The following SLC8A1 variants were observed in gnomAD, a reference collection of about 807,000 sequenced individuals.
SLC8A1 encodes solute carrier family 8 member A1, also known as sodium/calcium exchanger 1.
Under a neutral mutation model 68.3 loss-of-function variants are expected in SLC8A1, and 18 were observed. The observed-to-expected ratio is 0.26, with a 90% CI of 0.18 to 0.39. The LOEUF is 0.39. Ranked by LOEUF, SLC8A1 falls within the 10% of genes least tolerant of loss-of-function variation. The probability of loss-of-function intolerance (pLI) is 1.00; values close to 1 mark genes in which losing one functional copy is unlikely to be tolerated. For missense variants in SLC8A1, 985 were observed against 1,156.7 expected (o/e 0.85, Z 2.15); for synonymous variants, 475 against 415.5 (o/e 1.14, Z -1.74).
intron 2 of SLC8A1, among the ~76,000 whole-genome samples, chr2:40,408,172 T>C (rs1349692900): frequency 6.6e-6 from 1 of 152,214 alleles, no homozygotes; most frequent in Non-Finnish European, 1.5e-5. Flanking sequence ...ACTCCTAATG[T>C]AGTTTGGGGC....
At chr2:40,200,068 G>C (rs2053836154) in intron 2 of SLC8A1, among the ~76,000 whole-genome samples, 1 of 144,074 alleles carries the variant, frequency 6.9e-6, no homozygotes, top group Non-Finnish European at 1.5e-5. Flanking sequence ...GACTTGCCAA[G>C]CACAAACTAT....
chr2:40,386,114 C>T (rs4552227), intron 2 of SLC8A1, among the ~76,000 whole-genome samples: 110,397 of 151,026 alleles, frequency 0.73, 41,856 homozygotes, highest in African/African-American at 0.93. Flanking sequence ...GCTTACAATA[C>T]AATCAAGATA....
At chr2:40,482,817 A>G (rs780509005) in intron 1 of SLC8A1, among the ~76,000 whole-genome samples, 84 of 146,370 alleles carry the variant, frequency 5.7e-4, no homozygotes, top group Admixed American at 1.4e-3. Context: ...TTGAGACGGA[A>G]TCTCGCTCTG....
chr2:40,328,225 C>T (rs1183651533), intron 2 of SLC8A1, among the ~76,000 whole-genome samples: 1 of 152,102 alleles, frequency 6.6e-6, no homozygotes, highest in African/African-American at 2.4e-5. Flanking sequence ...CTTAAAAGCA[C>T]TATGTGATTA....
exon 8 of SLC8A1, chr2:40,109,643 G>A (rs1229468852): frequency 2.6e-5 from 4 of 152,126 alleles, no homozygotes; most frequent in African/African-American, 9.7e-5. Context: ...TTGCCGGGAG[G>A]TAATAGTGAG....
Position 40,126,241 on chromosome 2 carries a change from G to T in SLC8A1, c.2438-10612C>A, listed in dbSNP as rs933840445. On this transcript the variant is annotated intron_variant, in intron 7 of 7. Coordinates refer to ENST00000406785, the Ensembl canonical transcript of SLC8A1. ...TCTCAGGGCTGCTGTGGGTATCAAAGAGATGAATTATAAAAACATACTTTT... is the reference window on the plus strand; with the variant it reads ...TCTCAGGGCTGCTGTGGGTATCAAATAGATGAATTATAAAAACATACTTTT... Among the ~76,000 whole-genome samples, 3 of 152,188 alleles carry T rather than the reference G, an allele frequency of 2.0e-5. No individual in the cohort carries two copies. In the South Asian group the frequency reaches 6.2e-4, roughly 32 times the overall value.
At chr2:40,427,575 T>C (rs1697214807) in intron 2 of SLC8A1, among the ~76,000 whole-genome samples, 1 of 151,956 alleles carries the variant, frequency 6.6e-6, no homozygotes, top group Non-Finnish European at 1.5e-5. Flanking sequence ...GTGAGTTGAG[T>C]GCAACACACT....
chr2:40,355,209 A>C (rs990270), intron 2 of SLC8A1, among the ~76,000 whole-genome samples: 77,130 of 151,970 alleles, frequency 0.51, 20,261 homozygotes, highest in Admixed American at 0.6. Context: ...TACTGTGATA[A>C]TGCTGGAAAA....
chr2:40,449,885 A>G (rs188393228), intron 1 of SLC8A1, among the ~76,000 whole-genome samples: 47 of 152,262 alleles, frequency 3.1e-4, no homozygotes, highest in African/African-American at 1.1e-3. Flanking sequence ...TCTAGGAATT[A>G]ATCATTTTTT....
chr2:40,422,155 C>T (rs1357384472), intron 2 of SLC8A1, among the ~76,000 whole-genome samples: 1 of 152,110 alleles, frequency 6.6e-6, no homozygotes, highest in Non-Finnish European at 1.5e-5. Context: ...GCTATCTTCT[C>T]ACCCTTTCCT....
At chr2:40,139,620 A>G (rs2041176568) in exon 7 of SLC8A1, 1 of 1,614,010 alleles carries the variant, frequency 6.2e-7, no homozygotes, top group Non-Finnish European at 8.5e-7. Context: ...TGCATCACGT[A>G]ATCGAAACAG....
chr2:40,107,099 GT>G (rs2034244832), exon 8 of SLC8A1: 1 of 151,984 alleles, frequency 6.6e-6, no homozygotes, highest in Non-Finnish European at 1.5e-5. Flanking sequence ...GAGGACCCAT[GT>G]GGTCAAAGAT....
At chr2:40,151,122 C>T (rs1177274898) in intron 6 of SLC8A1, among the ~76,000 whole-genome samples, 1 of 152,158 alleles carries the variant, frequency 6.6e-6, no homozygotes, top group Non-Finnish European at 1.5e-5. Flanking sequence ...TTTATATTTG[C>T]ATGTCCAATT....
chr2:40,292,800 G>A (rs570240971), intron 2 of SLC8A1, among the ~76,000 whole-genome samples: 139 of 152,300 alleles, frequency 9.1e-4, no homozygotes, highest in Non-Finnish European at 1.9e-4. Context: ...AGTGCTAACA[G>A]AATAGAAAAG....
At chr2:40,194,225 T>C (rs985938175) in intron 2 of SLC8A1, among the ~76,000 whole-genome samples, 2 of 152,096 alleles carry the variant, frequency 1.3e-5, no homozygotes, top group African/African-American at 2.4e-5. Context: ...CAAAATGATA[T>C]CTGGGCATAT....
At chr2:40,179,101 G>A (rs191924567) in intron 2 of SLC8A1, among the ~76,000 whole-genome samples, 1 of 152,248 alleles carries the variant, frequency 6.6e-6, no homozygotes, top group African/African-American at 2.4e-5. Flanking sequence ...TCTTATTCAG[G>A]TTAGTCAGAT....
intron 2 of SLC8A1, among the ~76,000 whole-genome samples, chr2:40,334,972 T>C (rs1665463756): frequency 6.6e-6 from 1 of 152,170 alleles, no homozygotes; most frequent in Non-Finnish European, 1.5e-5. Flanking sequence ...CTTCAGTAAA[T>C]TCGGTCATCC....
chr2:40,433,046 G>A (rs1193470601), intron 1 of SLC8A1, among the ~76,000 whole-genome samples: 1 of 152,130 alleles, frequency 6.6e-6, no homozygotes, highest in Non-Finnish European at 1.5e-5. Context: ...TCAAACCTGT[G>A]TCTGTCTCCA....
intron 7 of SLC8A1, among the ~76,000 whole-genome samples, chr2:40,119,623 A>G (rs1171175178): frequency 3.3e-5 from 5 of 152,224 alleles, no homozygotes; most frequent in African/African-American, 1.2e-4. Flanking sequence ...TGAAGGGGAT[A>G]TAATAATATT....
Sources: allele counts gnomAD v4.1 joint callset (sites outside exome capture counted in the v4.1 genomes callset), GRCh38; gene constraint gnomAD v4.1.1; transcripts MANE v1.5; gene names NCBI Gene and HGNC (gene_info 2026-07-23, HGNC 2026-07-21).